The following SNTG1 variants were observed in gnomAD, a reference collection of about 807,000 sequenced individuals.
SNTG1 encodes the protein syntrophin gamma 1, also known as gamma-1-syntrophin.
In SNTG1, 39 loss-of-function variants were observed where a neutral mutation model predicts 74.7. The ratio of observed to expected loss-of-function variants is 0.52; its 90% CI spans 0.40 to 0.68. The LOEUF is 0.68. Ranked by LOEUF, SNTG1 falls within the 30% of genes least tolerant of loss-of-function variation. SNTG1 has a pLI of 0.00. For missense variants in SNTG1, 685 were observed against 609.5 expected (o/e 1.12, Z -1.30); for synonymous variants, 254 against 217.1 (o/e 1.17, Z -1.49).
intron 1 of SNTG1, among the ~76,000 whole-genome samples, chr8:49,957,920 T>A (rs1413484150): frequency 6.6e-6 from 1 of 151,954 alleles, no homozygotes; most frequent in Non-Finnish European, 1.5e-5. Context: ...GGCAACAGAG[T>A]GAGATTGCAT....
At chr8:50,036,956 A>G (rs1194690116) in intron 1 of SNTG1, among the ~76,000 whole-genome samples, 2 of 152,212 alleles carry the variant, frequency 1.3e-5, no homozygotes, top group Non-Finnish European at 2.9e-5. Context: ...ATAATCTGCA[A>G]TCTCTGGAAG....
intron 12 of SNTG1, 39 bp from the exon 13 acceptor site, chr8:50,590,840 A>C (rs1425939520): frequency 7.3e-7 from 1 of 1,370,766 alleles, no homozygotes; most frequent in Non-Finnish European, 1.0e-6. Flanking sequence ...GTTACCATCT[A>C]TTGTTCTTCT....
rs541192974 is a variant in SNTG1 at position 50,315,231 on chromosome 8, C to T, written c.-27-78981C>T. On this transcript the variant is annotated intron_variant, in intron 2 of 18. Coordinates refer to ENST00000642720, the MANE Select transcript of SNTG1 (RefSeq NM_018967.5). Reference sequence around the variant, plus strand: ...TCAGTTTGTTATGTCTATGGTGCAGCGTTCAATGCAATTCAATTTTATTTC... The same window carrying T: ...TCAGTTTGTTATGTCTATGGTGCAGTGTTCAATGCAATTCAATTTTATTTC... Among the ~76,000 whole-genome samples the T allele has an allele frequency of 1.4e-3, 202 of 149,630 alleles. 16 individuals carry two copies. Among genetic ancestry groups the T allele is most frequent in the African/African-American group, 4.9e-3 (195 of 40,148 alleles).
intron 2 of SNTG1, among the ~76,000 whole-genome samples, chr8:50,328,294 G>A (rs182315322): frequency 6.6e-6 from 1 of 152,166 alleles, no homozygotes; most frequent in Admixed American, 6.5e-5. Flanking sequence ...AATTTTGCAA[G>A]ATTCAGAGTA....
intron 2 of SNTG1, among the ~76,000 whole-genome samples, chr8:50,362,218 C>T (rs2091978784): frequency 6.6e-6 from 1 of 152,156 alleles, no homozygotes; most frequent in Non-Finnish European, 1.5e-5. Context: ...CTGACCAATG[C>T]TGGATGTCAC....
intron 13 of SNTG1, among the ~76,000 whole-genome samples, chr8:50,613,420 CT>C (rs2094864878): frequency 6.6e-6 from 1 of 152,076 alleles, no homozygotes; most frequent in African/African-American, 2.4e-5. Flanking sequence ...TGCAATAACA[CT>C]TTTGAAAATT....
chr8:50,641,552 G>A (rs11779190), intron 13 of SNTG1, among the ~76,000 whole-genome samples: 34,568 of 152,070 alleles, frequency 0.23, 4,608 homozygotes, highest in African/African-American at 0.36. Flanking sequence ...TAAAAGACAG[G>A]CTATATCTAC....
intron 13 of SNTG1, among the ~76,000 whole-genome samples, chr8:50,606,193 C>T (rs1209781344): frequency 2.0e-5 from 3 of 152,126 alleles, no homozygotes; most frequent in Non-Finnish European, 2.9e-5. Flanking sequence ...AACTTGTAGA[C>T]TTATTCAAGA....
At chr8:50,613,620 A>G (rs2094866170) in intron 13 of SNTG1, among the ~76,000 whole-genome samples, 1 of 152,146 alleles carries the variant, frequency 6.6e-6, no homozygotes, top group Non-Finnish European at 1.5e-5. Context: ...TTATAAAAAC[A>G]TATGTTATTC....
intron 2 of SNTG1, among the ~76,000 whole-genome samples, chr8:50,291,362 T>A (rs189252610): frequency 6.6e-6 from 1 of 150,698 alleles, no homozygotes; most frequent in East Asian, 2.0e-4. Flanking sequence ...TAAAGAGTGA[T>A]AGGGAAAACT....
rs534073788 is a variant in SNTG1, at chr8:50,476,180, A to ATGATGC, written c.363+25454_363+25459dup. Among the ~76,000 whole-genome samples, 175 of 152,286 alleles carry ATGATGC rather than the reference A, an allele frequency of 1.1e-3. 1 individual carries two copies. Among genetic ancestry groups the ATGATGC allele is most frequent in the African/African-American group, 3.1e-3 (128 of 41,572 alleles). ...ATTATGGTTCCAAAGTGCAGGAGTAATGATGCTGGCATATTATTATAATTG... is the reference window on the plus strand; with the variant it reads ...ATTATGGTTCCAAAGTGCAGGAGTAATGATGCTGATGCTGGCATATTATTATAATTG... On this transcript the variant is annotated intron_variant, in intron 8 of 18. Coordinates refer to ENST00000642720, the MANE Select transcript of SNTG1 (RefSeq NM_018967.5).
At chr8:50,644,156 C>A (rs2095092095) in intron 13 of SNTG1, 1 of 152,214 alleles carries the variant, frequency 6.6e-6, no homozygotes, top group Admixed American at 6.6e-5. Context: ...TGTCAGAAAT[C>A]TCCTGGAAAC....
intron 17 of SNTG1, among the ~76,000 whole-genome samples, chr8:50,746,992 G>A (rs1487414405): frequency 2.0e-5 from 3 of 150,816 alleles, no homozygotes; most frequent in Admixed American, 1.3e-4. Flanking sequence ...TTTTTTTAGT[G>A]CTTTTGCTCT....
intron 18 of SNTG1, among the ~76,000 whole-genome samples, chr8:50,764,205 A>C (rs760775923): frequency 6.6e-6 from 1 of 151,904 alleles, no homozygotes; most frequent in African/African-American, 2.4e-5. Context: ...GGTCTGGGCA[A>C]TGACTTTTTG....
chr8:50,311,681 A>G (rs1243459553), intron 2 of SNTG1, among the ~76,000 whole-genome samples: 1 of 152,206 alleles, frequency 6.6e-6, no homozygotes, highest in Non-Finnish European at 1.5e-5. Context: ...AATTCTCTTT[A>G]TATGTATATT....
rs564380197 is a variant in SNTG1 at position 50,777,215 on chromosome 8, T to C, written c.1396-15456T>C. Among the ~76,000 whole-genome samples the C allele has an allele frequency of 3.6e-5, 5 of 139,900 alleles. No homozygotes were observed. The South Asian group carries it at 1.1e-3, about 30-fold the overall frequency. 91.8% of individuals were successfully genotyped at this position (139,900 alleles called of 152,430 possible). A position where few individuals can be genotyped will look rare whatever the true frequency, so the allele number is the denominator to read the frequency against. The stretch of plus-strand genomic sequence containing the variant: ...ATTTTTTGGACTCTGAAGACATGAA[T>C]AGCATATATATATATATATAATAAT... On this transcript the variant is annotated intron_variant, in intron 18 of 18. Transcript: ENST00000642720.
At chr8:50,412,478 C>A (rs1054473198) in intron 4 of SNTG1, among the ~76,000 whole-genome samples, 1 of 151,968 alleles carries the variant, frequency 6.6e-6, no homozygotes, top group African/African-American at 2.4e-5. Context: ...TCTGTCTTAT[C>A]GGGTAATTGT....
intron 2 of SNTG1, among the ~76,000 whole-genome samples, chr8:50,371,191 G>C (rs2092260422): frequency 6.6e-6 from 1 of 152,140 alleles, no homozygotes. Flanking sequence ...AGAAAAGACT[G>C]AATGCTTAAC....
intron 4 of SNTG1, among the ~76,000 whole-genome samples, chr8:50,403,973 A>G (rs1457342285): frequency 6.6e-6 from 1 of 152,192 alleles, no homozygotes; most frequent in African/African-American, 2.4e-5. Flanking sequence ...ATATATAAAG[A>G]ACAAAAATTA....
Sources: gnomAD v4.1 joint callset for allele counts (sites outside exome capture counted in the v4.1 genomes callset) on GRCh38, gnomAD v4.1.1 for gene constraint, MANE v1.5 for transcripts, NCBI Gene and HGNC (gene_info 2026-07-23, HGNC 2026-07-21) for gene names.